FBXL2: variants seen among roughly 807,000 people sequenced by gnomAD.
The protein encoded by FBXL2 is F-box and leucine rich repeat protein 2.
Under a neutral mutation model 69.2 loss-of-function variants are expected in FBXL2, and 38 were observed. The observed-to-expected ratio is 0.55, with a 90% confidence interval of 0.42 to 0.72. FBXL2 has a LOEUF of 0.72. FBXL2 is among the 30% of genes least tolerant of loss of function. The pLI, the probability that FBXL2 is intolerant of heterozygous loss-of-function variation, is 0.00. For missense variants in FBXL2, 354 were observed against 520.3 expected, an observed-to-expected ratio of 0.68 and a Z score of 3.11; for synonymous variants, 192 against 201.3, an observed-to-expected ratio of 0.95 and a Z score of 0.39.
At chr3:33,285,753 T>G (rs1366034205) in intron 1 of FBXL2, among the ~76,000 whole-genome samples, 3 of 152,218 alleles carry the variant, frequency 2.0e-5, no homozygotes, top group African/African-American at 7.2e-5. Context: ...TTCTTTTTTC[T>G]CTAAACTTCT....
At chr3:33,329,680 T>G (rs1192621093) in intron 2 of FBXL2, among the ~76,000 whole-genome samples, 5 of 152,234 alleles carry the variant, frequency 3.3e-5, no homozygotes, top group Non-Finnish European at 7.3e-5. Flanking sequence ...ATATTGCATG[T>G]TCTCACTCAT....
At chr3:33,290,778 A>G (rs981714900) in intron 1 of FBXL2, among the ~76,000 whole-genome samples, 26 of 152,290 alleles carry the variant, frequency 1.7e-4, no homozygotes, top group South Asian at 1.5e-3. Context: ...CAGAAGTCTG[A>G]ACTGAGGTAC....
At chr3:33,409,227 C>CTACAT in the FBXL2 span, 2 of 1,612,996 alleles carry the variant, frequency 1.2e-6, no homozygotes, top group Non-Finnish European at 1.7e-6. Flanking sequence ...AAATGCTTTA[C>CTACAT]TACATTACCT....
At position 33,394,470 on chromosome 3, in the gene FBXL2, T is replaced by C. The variant is rs1404338801; in HGVS notation, n.1214+8742T>C. Among the ~76,000 whole-genome samples, 3 of 151,896 alleles carry C rather than the reference T, an allele frequency of 2.0e-5. No individual in the cohort carries two copies. In the East Asian group the frequency reaches 5.8e-4, roughly 29 times the overall value. ...TAAAAGATACTATATGAAAAGCTAA[T>C]ATAAACAATGAAGTGTGATGCTTCC... On this transcript the variant is annotated intron_variant and non_coding_transcript_variant, in intron 12 of 12. Transcript: ENST00000463736.
chr3:33,400,068 AT>A (rs2044163638), intron 12 of FBXL2: 1 of 562,350 alleles, frequency 1.8e-6, no homozygotes, highest in African/African-American at 2.0e-5. Flanking sequence ...TTCTCTGTAC[AT>A]TTTTCTTTGC....
chr3:33,322,286 G>T (rs2038301231), intron 2 of FBXL2, among the ~76,000 whole-genome samples: 1 of 151,856 alleles, frequency 6.6e-6, no homozygotes, highest in Admixed American at 6.6e-5. Context: ...TACCGTGTTA[G>T]CCACAGTGGT....
chr3:33,376,347 A>C (rs1269164370), intron 10 of FBXL2, among the ~76,000 whole-genome samples: 5 of 152,156 alleles, frequency 3.3e-5, no homozygotes, highest in Non-Finnish European at 7.4e-5. Flanking sequence ...AATGAAACTG[A>C]TCCATTCCCA....
chr3:33,381,729 C>A (rs1203409710), intron 13 of FBXL2, among the ~76,000 whole-genome samples: 6 of 152,026 alleles, frequency 3.9e-5, no homozygotes, highest in Non-Finnish European at 8.8e-5. Context: ...AATCAAACTT[C>A]TATTTTTTTA....
intron 5 of FBXL2, chr3:33,372,754 A>G: frequency 2.5e-6 from 1 of 405,464 alleles, no homozygotes; most frequent in African/African-American, 2.0e-5. Context: ...GAGCGGAGGG[A>G]GCAGGGAGCT....
At chr3:33,415,181 A>G in the FBXL2 span, among the ~76,000 whole-genome samples, 1 of 152,202 alleles carries the variant, frequency 6.6e-6, no homozygotes, top group East Asian at 1.9e-4. Flanking sequence ...CTATCAGACT[A>G]ATTATTTCTA....
the FBXL2 span, chr3:33,409,367 T>C: frequency 6.2e-7 from 1 of 1,614,056 alleles, no homozygotes; most frequent in Non-Finnish European, 8.5e-7. Flanking sequence ...AAGTATACTA[T>C]TTCATCTATC....
intron 2 of FBXL2, among the ~76,000 whole-genome samples, chr3:33,357,676 C>T (rs1378244151): frequency 1.3e-5 from 2 of 151,942 alleles, no homozygotes; most frequent in Admixed American, 1.3e-4. Flanking sequence ...ACTACAGGTG[C>T]CCGCCACCTC....
chr3:33,416,585 C>A, the FBXL2 span, among the ~76,000 whole-genome samples: 4 of 152,156 alleles, frequency 2.6e-5, no homozygotes, highest in Non-Finnish European at 5.9e-5. Context: ...TTCAAAATTA[C>A]TCTACCCAAT....
chr3:33,377,487 A>G (rs2042720106), intron 11 of FBXL2, among the ~76,000 whole-genome samples, 154 bp downstream of exon 11: 1 of 152,186 alleles, frequency 6.6e-6, no homozygotes, highest in Non-Finnish European at 1.5e-5. Context: ...CAGTTTTTCC[A>G]GTTAGCCAGA....
chr3:33,416,645 A>T, the FBXL2 span: 1 of 787,438 alleles, frequency 1.3e-6, no homozygotes, highest in South Asian at 2.2e-5. Context: ...TATAGCTCAT[A>T]AAGTTAAAAA....
rs1431759625 is a variant in FBXL2, at chr3:33,286,866, C to T, written c.3+9351C>T. Among the ~76,000 whole-genome samples, 15 of 152,282 alleles carry T rather than the reference C, an allele frequency of 9.9e-5. No homozygotes were observed. The East Asian group carries it at 1.2e-3, about 12-fold the overall frequency. On this transcript the variant is annotated intron_variant, in intron 1 of 14. Transcript: ENST00000484457. ...CGCGGGATATAATTTCCTGGTGTGC[C>T]GTTTGCTAAGACCATTGGAAAAGCG...
Position 33,396,278 on chromosome 3 carries a change from G to A in FBXL2, n.1215-6956G>A, listed in dbSNP as rs1441810847. On this transcript the variant is annotated intron_variant and non_coding_transcript_variant, in intron 12 of 12. Coordinates refer to the FBXL2 transcript ENST00000463736. ...ATAGATGGTTAAACGGGGTCTAACC[G>A]ACCTGCAATCAGAAGATGCCACTGA... 2.5e-6 allele frequency: 4 copies of A among 1,571,354 alleles called. No homozygotes were observed. The highest frequency in any genetic ancestry group is 1.1e-5 in the South Asian group (1 of 87,840).
chr3:33,360,436 C>T (rs1202265816), intron 4 of FBXL2, among the ~76,000 whole-genome samples: 2 of 152,090 alleles, frequency 1.3e-5, no homozygotes, highest in African/African-American at 4.8e-5. Flanking sequence ...GTAAGTGGGG[C>T]AGAGCAGAAG....
chr3:33,419,947 T>C, the FBXL2 span, among the ~76,000 whole-genome samples: 1 of 152,240 alleles, frequency 6.6e-6, no homozygotes, highest in Non-Finnish European at 1.5e-5. Flanking sequence ...TTACTTTTCA[T>C]GTTTTATTTT....
Sources: gnomAD v4.1 joint callset for allele counts (sites outside exome capture counted in the v4.1 genomes callset) on GRCh38, gnomAD v4.1.1 for gene constraint, MANE v1.5 for transcripts, NCBI Gene and HGNC (gene_info 2026-07-23, HGNC 2026-07-21) for gene names.